The following QTGAL variants were observed in gnomAD, a reference collection of about 807,000 sequenced individuals.
The protein encoded by QTGAL is BGnT-like protein 1.
chr17:82,992,235 G>T, the QTGAL span, among the ~76,000 whole-genome samples: 1 of 152,196 alleles, frequency 6.6e-6, no homozygotes, highest in African/African-American at 2.4e-5. Context: ...ACCCAAAGAA[G>T]ACTACCTCAA....
the QTGAL span, among the ~76,000 whole-genome samples, chr17:83,016,854 G>A: frequency 6.6e-6 from 1 of 152,078 alleles, no homozygotes; most frequent in Non-Finnish European, 1.5e-5. Flanking sequence ...AAGAGCTGAG[G>A]AGGCTCAAAG....
chr17:83,042,805 A>C, the QTGAL span, among the ~76,000 whole-genome samples: 1 of 152,370 alleles, frequency 6.6e-6, no homozygotes, highest in Admixed American at 6.5e-5. Flanking sequence ...CTATATGAGG[A>C]ATTCACTTCA....
chr17:83,038,428 CT>C, the QTGAL span, among the ~76,000 whole-genome samples: 4 of 152,144 alleles, frequency 2.6e-5, no homozygotes, highest in Non-Finnish European at 2.9e-5. Context: ...ATAAAAAGTA[CT>C]TTATGAAAAG....
At chr17:82,957,857 C>T in the QTGAL span, among the ~76,000 whole-genome samples, 2 of 152,182 alleles carry the variant, frequency 1.3e-5, no homozygotes, top group Non-Finnish European at 1.5e-5. Context: ...ATGCAACCAT[C>T]CCATAAAATC....
At chr17:83,020,019 C>A in the QTGAL span, among the ~76,000 whole-genome samples, 3 of 152,160 alleles carry the variant, frequency 2.0e-5, no homozygotes, top group Non-Finnish European at 2.9e-5. Flanking sequence ...TAGGTGTGAG[C>A]CACTGCACCC....
the QTGAL span, among the ~76,000 whole-genome samples, chr17:83,009,319 G>A: frequency 6.6e-6 from 1 of 152,118 alleles, no homozygotes; most frequent in African/African-American, 2.4e-5. Flanking sequence ...AGCTACTCAG[G>A]AGGCTGAGGC....
At chr17:82,965,799 A>G in the QTGAL span, 6 of 1,499,288 alleles carry the variant, frequency 4.0e-6, 1 homozygote, top group Middle Eastern at 1.7e-4. Context: ...CTTGTCACAA[A>G]CAACCTGCAG....
the QTGAL span, chr17:83,005,070 AG>A: frequency 1.3e-6 from 2 of 1,498,366 alleles, no homozygotes; most frequent in Admixed American, 3.7e-5. The surrounding 1 kb of genome is among the most constrained non-coding windows in gnomAD (Gnocchi z 5.6). Context: ...TGGCGCCCAG[AG>A]GCGACCTGTG....
the QTGAL span, among the ~76,000 whole-genome samples, chr17:82,992,533 T>C: frequency 6.6e-5 from 10 of 152,302 alleles, no homozygotes; most frequent in East Asian, 9.6e-4. Context: ...AGGGATATTA[T>C]CAACACCAGA....
the QTGAL span, among the ~76,000 whole-genome samples, chr17:82,952,560 A>C: frequency 6.6e-6 from 1 of 152,218 alleles, no homozygotes; most frequent in African/African-American, 2.4e-5. Flanking sequence ...AGATTCATAA[A>C]ACAAGTTCTT....
At chr17:82,977,208 G>C in the QTGAL span, among the ~76,000 whole-genome samples, 1 of 152,270 alleles carries the variant, frequency 6.6e-6, no homozygotes, top group Non-Finnish European at 1.5e-5. Flanking sequence ...AGGCCCGAAA[G>C]CAAGAGGAAA....
chr17:82,973,401 T>C, the QTGAL span, among the ~76,000 whole-genome samples: 1 of 152,220 alleles, frequency 6.6e-6, no homozygotes, highest in Admixed American at 6.5e-5. Flanking sequence ...AACACGGAGA[T>C]ACGGAACTGA....
the QTGAL span, among the ~76,000 whole-genome samples, chr17:82,955,486 A>T: frequency 6.6e-6 from 1 of 152,226 alleles, no homozygotes; most frequent in Non-Finnish European, 1.5e-5. Flanking sequence ...ATTTCTAAAA[A>T]ATCAAGAAAC....
chr17:83,005,064 G>A, the QTGAL span: 7 of 1,465,156 alleles, frequency 4.8e-6, no homozygotes, highest in Admixed American at 3.8e-5. The surrounding 1 kb of genome is among the most constrained non-coding windows in gnomAD (Gnocchi z 5.6). Context: ...ATGAGATGGC[G>A]CCCAGAGGCG....
At chr17:82,977,795 G>A in the QTGAL span, among the ~76,000 whole-genome samples, 4 of 152,182 alleles carry the variant, frequency 2.6e-5, no homozygotes, top group East Asian at 3.9e-4. Flanking sequence ...GGGGTGGAAC[G>A]AGGCCTCAGA....
chr17:83,006,101 A>G, the QTGAL span: 2 of 992,240 alleles, frequency 2.0e-6, no homozygotes, highest in Non-Finnish European at 2.4e-6. The surrounding 1 kb of genome is among the most constrained non-coding windows in gnomAD (Gnocchi z 5.8). Flanking sequence ...CTCACAGCAC[A>G]GGCCCCAGGT....
At chr17:83,037,986 C>T in the QTGAL span, among the ~76,000 whole-genome samples, 17 of 152,296 alleles carry the variant, frequency 1.1e-4, no homozygotes, top group African/African-American at 3.8e-4. The surrounding 1 kb of genome is among the most constrained non-coding windows in gnomAD (Gnocchi z 5.2). Context: ...GAGATATTAA[C>T]ATTCCTTCCT....
chr17:83,035,034 C>A, the QTGAL span: 8 of 1,601,288 alleles, frequency 5.0e-6, no homozygotes, highest in Non-Finnish European at 6.8e-6. Context: ...AAGTTACTTA[C>A]CGAATCCAAA....
the QTGAL span, among the ~76,000 whole-genome samples, chr17:82,970,261 C>A: frequency 6.6e-6 from 1 of 152,224 alleles, no homozygotes; most frequent in Non-Finnish European, 1.5e-5. Flanking sequence ...GAATACCCCA[C>A]GGGCCCCGAG....
Sources: allele counts gnomAD v4.1 joint callset (sites outside exome capture counted in the v4.1 genomes callset), GRCh38; gene constraint gnomAD v4.1.1; non-coding constraint Gnocchi (gnomAD v3.1); transcripts MANE v1.5; gene names NCBI Gene and HGNC (gene_info 2026-07-23, HGNC 2026-07-21).